FYTTD1: variants seen among roughly 807,000 people sequenced by gnomAD.
FYTTD1 encodes the protein UAP56-interacting factor.
In FYTTD1, 22 loss-of-function variants were observed where a neutral mutation model predicts 40.9. That is an observed-to-expected ratio of 0.54 (90% CI 0.38 to 0.77). The LOEUF is 0.77. Ranked by LOEUF, FYTTD1 falls within the 30% of genes least tolerant of loss-of-function variation. The probability of loss-of-function intolerance (pLI) is 0.00; values close to 1 mark genes in which losing one functional copy is unlikely to be tolerated. For synonymous variants in FYTTD1, 140 were observed against 137.9 expected (o/e 1.01, Z -0.10); for missense variants, 351 against 392.2 (o/e 0.90, Z 0.89).
chr3:197,778,315 A>T (rs1729932203), intron 7 of FYTTD1, 23 bp from the exon 8 acceptor site: 1 of 1,570,188 alleles, frequency 6.4e-7, no homozygotes, highest in Non-Finnish European at 8.7e-7. Context: ...AGCTGCTCTG[A>T]TATTTTAATA....
rs199559563 is a variant in FYTTD1 at position 197,776,380 on chromosome 3, A to ATTTT, written c.657-544_657-543insTTTT. Among the ~76,000 whole-genome samples the ATTTT allele has an allele frequency of 5.1e-5, 6 of 117,550 alleles. 1 individual carries two copies. The highest frequency in any genetic ancestry group is 8.8e-5 in the Admixed American group (1 of 11,310). The allele number at this position is 117,550 out of a possible 152,430, so 77.1% of individuals were successfully genotyped here. On this transcript the variant is annotated intron_variant, in intron 6 of 8. Transcript: ENST00000241502. ...CCACCACACCCCACGCCCAGCTTAA[A>ATTTT]TTTGTTTTTTTTTTTTTTTTTTTTG... is the stretch of plus-strand genomic sequence containing the variant.
chr3:197,774,984 T>C lies in FYTTD1; in HGVS notation c.656+774T>C, dbSNP rs151260123. ...TCCCCAAAAACCTTTTGAGTTTTCA[T>C]GTGTCGATATTGTAACAGTTTTAGT... On this transcript the variant is annotated intron_variant, in intron 6 of 8. Coordinates refer to ENST00000241502, the MANE Select transcript of FYTTD1 (RefSeq NM_032288.7). Among the ~76,000 whole-genome samples, 1,123 of 152,384 alleles carry C rather than the reference T, an allele frequency of 7.4e-3. 9 individuals are homozygous for C. The highest frequency in any genetic ancestry group is 0.026 in the African/African-American group (1,072 of 41,602).
rs1376913837 is a variant in FYTTD1 at position 197,783,873 on chromosome 3, T to C, written c.*1964T>C. The C allele has an allele frequency of 2.6e-5, 4 of 152,644 alleles. No homozygotes were observed. The East Asian group carries it at 7.7e-4, about 29-fold the overall frequency. 9.5% of individuals were successfully genotyped at this position (152,644 alleles called of 1,614,324 possible). ...TTAAAAATTGCCCCAAATACTGACA[T>C]TGAGTGCATTAAATAACAAATTATC... On this transcript the variant is annotated 3_prime_UTR_variant, in exon 9 of 9. Transcript: ENST00000241502.
In FYTTD1 at chr3:197,749,926, G is replaced by C. The variant is rs368846031; in HGVS notation, c.-46G>C. 3 of 1,328,442 alleles carry C rather than the reference G, an allele frequency of 2.3e-6. No individual in the cohort carries two copies. Among genetic ancestry groups the C allele is most frequent in the East Asian group, 3.0e-5 (1 of 33,596 alleles). The allele number at this position is 1,328,442 out of a possible 1,614,324, so 82.3% of individuals were successfully genotyped here. On this transcript the variant is annotated 5_prime_UTR_variant, in exon 1 of 9. Coordinates refer to ENST00000241502, the MANE Select transcript of FYTTD1 (RefSeq NM_032288.7). ...CGCGAGTGGGAGGTGGCAGGCCTGC[G>C]ACTCCGGCCTTGTCCGCGCCCGCTC... is the stretch of plus-strand genomic sequence containing the variant.
At chr3:197,770,628 C>T (rs1379792284) in intron 4 of FYTTD1, among the ~76,000 whole-genome samples, 1 of 152,186 alleles carries the variant, frequency 6.6e-6, no homozygotes, top group African/African-American at 2.4e-5. Flanking sequence ...TCCCTGGAGC[C>T]TTGGCCTGCC....
chr3:197,772,146 C>T (rs552451092), intron 4 of FYTTD1, among the ~76,000 whole-genome samples: 2 of 152,178 alleles, frequency 1.3e-5, no homozygotes, highest in East Asian at 3.9e-4. Flanking sequence ...GCAGTTTTAA[C>T]CATCATCTTT....
At chr3:197,749,705 G>C (rs1030420456), upstream of FYTTD1, 2 of 635,148 alleles carry the variant, frequency 3.1e-6, no homozygotes, top group Middle Eastern at 2.6e-4. Flanking sequence ...TGCTCACAAC[G>C]GCGGTCCTCG....
At position 197,787,111 on chromosome 3, in the gene FYTTD1, C is replaced by CTTTTTT. The variant is rs34296281; in HGVS notation, c.*5217_*5222dup. 1.2e-5 allele frequency: 1 copy of CTTTTTT among 83,670 alleles called. No homozygotes were observed. Among genetic ancestry groups the CTTTTTT allele is most frequent in the Non-Finnish European group, 2.5e-5 (1 of 40,336 alleles). 5.2% of individuals were successfully genotyped at this position (83,670 alleles called of 1,614,324 possible). A position where few individuals can be genotyped will look rare whatever the true frequency, so the allele number is the denominator to read the frequency against. On this transcript the variant is annotated 3_prime_UTR_variant, in exon 9 of 9. Transcript: ENST00000241502. Reference sequence around the variant, plus strand: ...ACCACGCCCGCCCTAAAAGTGGATTCTTTTTTTTTTTTTTTTTTTTGGAGA... The same window carrying CTTTTTT: ...ACCACGCCCGCCCTAAAAGTGGATTCTTTTTTTTTTTTTTTTTTTTTTTTTTGGAGA...
chr3:197,760,252 G>C (rs1177409093), intron 2 of FYTTD1, among the ~76,000 whole-genome samples: 2 of 142,790 alleles, frequency 1.4e-5, no homozygotes, highest in African/African-American at 2.9e-5. Flanking sequence ...AGAACGTATA[G>C]AGTGTTCTTC....
intron 3 of FYTTD1, among the ~76,000 whole-genome samples, chr3:197,769,045 G>A (rs973291106): frequency 5.3e-5 from 8 of 151,040 alleles, no homozygotes; most frequent in Non-Finnish European, 8.8e-5. Flanking sequence ...TATTACAGGC[G>A]TGAGCCACCG....
chr3:197,771,370 T>C (rs1164745477), intron 4 of FYTTD1, among the ~76,000 whole-genome samples: 1 of 152,122 alleles, frequency 6.6e-6, no homozygotes, highest in Non-Finnish European at 1.5e-5. Context: ...TTTTAAAAAA[T>C]GCAGTGGCTG....
chr3:197,761,420 G>A (rs1451306182), intron 2 of FYTTD1, among the ~76,000 whole-genome samples: 1 of 151,902 alleles, frequency 6.6e-6, no homozygotes, highest in Non-Finnish European at 1.5e-5. Context: ...AGAATGTATA[G>A]AGTTGTTCCT....
At chr3:197,771,077 G>A (rs937526002) in intron 4 of FYTTD1, among the ~76,000 whole-genome samples, 1 of 152,194 alleles carries the variant, frequency 6.6e-6, no homozygotes, top group African/African-American at 2.4e-5. Context: ...CCTGTGAGCT[G>A]GGTGCAGTGG....
At position 197,762,434 on chromosome 3, in the gene FYTTD1, T is replaced by C. The variant is rs1322384309; in HGVS notation, c.235+5877T>C. Among the ~76,000 whole-genome samples the C allele has an allele frequency of 2.7e-5, 4 of 148,144 alleles. No individual in the cohort carries two copies. The East Asian group carries it at 8.1e-4, about 30-fold the overall frequency. ...TGAAAGCTTGTCTCTACTAAAAATATAAAAATTAGCCGGGCATGGTGGCGG... is the reference window on the plus strand; with the variant it reads ...TGAAAGCTTGTCTCTACTAAAAATACAAAAATTAGCCGGGCATGGTGGCGG... On this transcript the variant is annotated intron_variant, in intron 2 of 8. Coordinates refer to ENST00000241502, the MANE Select transcript of FYTTD1 (RefSeq NM_032288.7).
At chr3:197,750,477 G>C (rs1728982182) in intron 1 of FYTTD1, 2 of 992,996 alleles carry the variant, frequency 2.0e-6, no homozygotes, top group African/African-American at 3.5e-5. Flanking sequence ...GGGGAGCGAG[G>C]GGAATGGTCC....
chr3:197,759,289 A>G (rs896936072), intron 2 of FYTTD1, among the ~76,000 whole-genome samples: 1 of 151,686 alleles, frequency 6.6e-6, no homozygotes, highest in Admixed American at 6.6e-5. Context: ...GAACATATAG[A>G]GTGTTCTTCA....
intron 8 of FYTTD1, among the ~76,000 whole-genome samples, chr3:197,779,845 C>T (rs1477078551): frequency 1.4e-5 from 2 of 144,026 alleles, no homozygotes; most frequent in African/African-American, 5.2e-5. Flanking sequence ...GGGATGCAGG[C>T]ACACACACTA....
chr3:197,750,266 G>T, intron 1 of FYTTD1, 192 bp downstream of exon 1: 1 of 931,728 alleles, frequency 1.1e-6, no homozygotes. Flanking sequence ...GCTGGACCGC[G>T]AGGGACCCGG....
At chr3:197,773,539 G>GT in intron 5 of FYTTD1, 40 bp downstream of exon 5, 3 of 1,274,194 alleles carry the variant, frequency 2.4e-6, no homozygotes, top group African/African-American at 1.5e-5. Flanking sequence ...TTGTTTGTTT[G>GT]TTTTTTCCCA....
Sources: gnomAD v4.1 joint callset for allele counts (sites outside exome capture counted in the v4.1 genomes callset) on GRCh38, gnomAD v4.1.1 for gene constraint, MANE v1.5 for transcripts, NCBI Gene and HGNC (gene_info 2026-07-23, HGNC 2026-07-21) for gene names.